ADRA1B: variants seen among roughly 807,000 people sequenced by gnomAD.
ADRA1B encodes adrenoceptor alpha 1B.
In ADRA1B, 17 loss-of-function variants were observed where a neutral mutation model predicts 17.9. That is an observed-to-expected ratio of 0.95 (90% confidence interval 0.65 to 1.42). The LOEUF (loss-of-function observed/expected upper bound fraction) is 1.42, where lower values mean the gene tolerates loss of function less well. Ranked by LOEUF, ADRA1B falls within the 40% of genes most tolerant of loss-of-function variation. ADRA1B has a pLI of 0.00. For missense variants in ADRA1B, 681 were observed against 722.1 expected, an observed-to-expected ratio of 0.94 and a Z score of 0.65; for synonymous variants, 366 against 327.6, an observed-to-expected ratio of 1.12 and a Z score of -1.27.
intron 1 of ADRA1B, among the ~76,000 whole-genome samples, chr5:159,895,741 G>C (rs1469347984): frequency 2.6e-5 from 4 of 152,166 alleles, no homozygotes; most frequent in Non-Finnish European, 4.4e-5. Context: ...TGTATTCAAG[G>C]CTTTACATAC....
At chr5:159,952,193 G>C (rs1755456399) in intron 1 of ADRA1B, among the ~76,000 whole-genome samples, 1 of 152,106 alleles carries the variant, frequency 6.6e-6, no homozygotes, top group Non-Finnish European at 1.5e-5. Flanking sequence ...AAGAACCCCA[G>C]TGGATGCCTA....
At chr5:159,980,152 G>T in the ADRA1B span, among the ~76,000 whole-genome samples, 1 of 152,030 alleles carries the variant, frequency 6.6e-6, no homozygotes, top group Non-Finnish European at 1.5e-5. Flanking sequence ...CTGACAACTG[G>T]CCAGAAATGA....
At chr5:159,943,188 G>A (rs886302829) in intron 1 of ADRA1B, among the ~76,000 whole-genome samples, 1 of 151,260 alleles carries the variant, frequency 6.6e-6, no homozygotes, top group African/African-American at 2.4e-5. Flanking sequence ...CTCCCGCCTG[G>A]GTGACAGAGC....
In ADRA1B at chr5:159,877,116, T is replaced by A. The variant is rs142529322; in HGVS notation, c.-256+11910T>A. 8.1e-4 allele frequency among the ~76,000 whole-genome samples: 124 copies of A among 152,312 alleles called. 1 individual carries two copies. The highest frequency in any genetic ancestry group is 2.9e-3 in the African/African-American group (121 of 41,562). ...AGGACTGATGATGTGTTTTCTGGAA[T>A]GGGAGCCTCAGTTCATAAATCAAGG... is the stretch of plus-strand genomic sequence containing the variant. On this transcript the variant is annotated intron_variant, in intron 1 of 2. Coordinates refer to the ADRA1B transcript ENST00000641205.
At chr5:159,984,853 G>A in the ADRA1B span, among the ~76,000 whole-genome samples, 1 of 150,826 alleles carries the variant, frequency 6.6e-6, no homozygotes, top group Admixed American at 6.6e-5. Flanking sequence ...AGGTTACAGT[G>A]AGGATCAGGC....
At chr5:159,886,463 T>C (rs543563867) in intron 1 of ADRA1B, among the ~76,000 whole-genome samples, 2 of 152,326 alleles carry the variant, frequency 1.3e-5, no homozygotes, top group South Asian at 4.1e-4. Flanking sequence ...GCATGGAGGA[T>C]GAGTTGGCAG....
At chr5:159,953,764 A>T (rs1013000197) in intron 1 of ADRA1B, among the ~76,000 whole-genome samples, 3 of 152,330 alleles carry the variant, frequency 2.0e-5, no homozygotes, top group Admixed American at 6.5e-5. Flanking sequence ...AGATGCAGGC[A>T]TCTAAGAGAT....
chr5:159,941,926 T>C (rs1436687899), intron 1 of ADRA1B, among the ~76,000 whole-genome samples: 1 of 147,406 alleles, frequency 6.8e-6, no homozygotes, highest in African/African-American at 2.5e-5. Flanking sequence ...TTTCTTTTTT[T>C]TTTTTTTTTT....
chr5:159,911,210 T>C (rs1433202651), intron 1 of ADRA1B, among the ~76,000 whole-genome samples: 2 of 152,314 alleles, frequency 1.3e-5, no homozygotes, highest in African/African-American at 2.4e-5. Flanking sequence ...GGCAAGCCCA[T>C]GGCCAGCAAG....
At chr5:159,959,300 G>A (rs562025824) in intron 1 of ADRA1B, among the ~76,000 whole-genome samples, 8 of 152,290 alleles carry the variant, frequency 5.3e-5, no homozygotes, top group African/African-American at 1.2e-4. Context: ...AGAAGGGAAA[G>A]GAATCAAATA....
At position 159,917,634 on chromosome 5, in the gene ADRA1B, G is replaced by A; in HGVS notation, c.729G>A (p.Lys243=). 1 of 1,614,036 alleles carries A rather than the reference G, an allele frequency of 6.2e-7. No homozygotes were observed. The highest frequency in any genetic ancestry group is 8.5e-7 in the Non-Finnish European group (1 of 1,180,016). The change falls in exon 1 of 2, where the codon AAG becomes AAA. Residue 243 remains lysine (K), a synonymous_variant. Transcript: ENST00000306675. ...AGAACCTAGAGGCAGGAGTCATGAAGGAGATGTCCAACTCCAAGGAGCTGA... is the reference window on the plus strand; with the variant it reads ...AGAACCTAGAGGCAGGAGTCATGAAAGAGATGTCCAACTCCAAGGAGCTGA... ...TTKNLEAGVM[K]EMSNSKELTL... is the part of the protein sequence containing the mutation.
At chr5:159,937,116 G>A (rs1754975914) in intron 1 of ADRA1B, among the ~76,000 whole-genome samples, 1 of 152,156 alleles carries the variant, frequency 6.6e-6, no homozygotes, top group South Asian at 2.1e-4. Flanking sequence ...TTAAGTTTAA[G>A]AACCACCAGC....
At chr5:159,946,233 T>A (rs1755269586) in intron 1 of ADRA1B, among the ~76,000 whole-genome samples, 1 of 152,182 alleles carries the variant, frequency 6.6e-6, no homozygotes, top group South Asian at 2.1e-4. Context: ...GATCCGGGAT[T>A]TACAGAGAAT....
At chr5:159,879,658 T>G (rs574584681) in intron 1 of ADRA1B, among the ~76,000 whole-genome samples, 11 of 152,330 alleles carry the variant, frequency 7.2e-5, no homozygotes, top group African/African-American at 2.6e-4. Context: ...TGCGTGTGTG[T>G]GGGTACATGT....
chr5:159,923,737 G>T lies in ADRA1B; in HGVS notation c.949+5883G>T, dbSNP rs183633894. 2.6e-5 allele frequency among the ~76,000 whole-genome samples: 4 copies of T among 152,378 alleles called. No homozygotes were observed. The East Asian group carries it at 7.7e-4, about 29-fold the overall frequency. Reference sequence around the variant, plus strand: ...CTCATCAGAAACATCTGGAGGAGGGGGCTGTTTTTAAAAGAATAGATCCTT... The same window carrying T: ...CTCATCAGAAACATCTGGAGGAGGGTGCTGTTTTTAAAAGAATAGATCCTT... On this transcript the variant is annotated intron_variant, in intron 1 of 1. Coordinates refer to ENST00000306675, the MANE Select transcript of ADRA1B (RefSeq NM_000679.4).
chr5:159,981,772 A>C, the ADRA1B span, among the ~76,000 whole-genome samples: 4 of 152,202 alleles, frequency 2.6e-5, no homozygotes, highest in Non-Finnish European at 5.9e-5. Context: ...CTGGGATTAC[A>C]GACGTGAGCT....
intron 1 of ADRA1B, among the ~76,000 whole-genome samples, chr5:159,936,087 C>T (rs1037396942): frequency 5.9e-5 from 9 of 152,322 alleles, no homozygotes; most frequent in African/African-American, 2.2e-4. Flanking sequence ...ATCAGTAGTT[C>T]TCAACCAACA....
intron 1 of ADRA1B, among the ~76,000 whole-genome samples, chr5:159,940,406 T>G (rs1313509991): frequency 6.6e-6 from 1 of 152,180 alleles, no homozygotes; most frequent in Non-Finnish European, 1.5e-5. Flanking sequence ...TGGCCTGCCT[T>G]CAGCAAGAAC....
At position 159,867,333 on chromosome 5, in the gene ADRA1B, T is replaced by C. The variant is rs147825119; in HGVS notation, c.-256+2127T>C. On this transcript the variant is annotated intron_variant, in intron 1 of 2. Coordinates refer to the ADRA1B transcript ENST00000641205. ...GTGTCCCAAGGCATAGTGCTTTCTC[T>C]ATCTTCCATGAGAAATCTATTTGTG... is the stretch of plus-strand genomic sequence containing the variant. Among the ~76,000 whole-genome samples the C allele has an allele frequency of 2.6e-5, 4 of 152,322 alleles. No individual in the cohort carries two copies. In the East Asian group the frequency reaches 7.7e-4, roughly 29 times the overall value.
Sources: allele counts gnomAD v4.1 joint callset (sites outside exome capture counted in the v4.1 genomes callset), GRCh38; gene constraint gnomAD v4.1.1; transcripts MANE v1.5; gene names NCBI Gene and HGNC (gene_info 2026-07-23, HGNC 2026-07-21).